The following STAT4 variants were observed in gnomAD, a reference collection of about 807,000 sequenced individuals.
STAT4 encodes signal transducer and activator of transcription 4.
STAT4 carries 42 observed loss-of-function variants against 110.5 expected under a neutral mutation model. The ratio of observed to expected loss-of-function variants is 0.38; its 90% CI spans 0.30 to 0.49. The LOEUF is 0.49. Among genes scored for constraint, STAT4 ranks in the 20% least tolerant of loss-of-function variants. The pLI is 0.95. For missense variants in STAT4, 632 were observed against 887.9 expected, an observed-to-expected ratio of 0.71 and a Z score of 3.66; for synonymous variants, 284 against 302.2, an observed-to-expected ratio of 0.94 and a Z score of 0.63.
At chr2:191,151,126 TCCCA>T (rs895642233), upstream of STAT4, 48 of 985,282 alleles carry the variant, frequency 4.9e-5, no homozygotes, top group Admixed American at 6.2e-5. The surrounding 1 kb of genome is among the most constrained non-coding windows in gnomAD (Gnocchi z 4.7). Flanking sequence ...TTGGGTCAGT[TCCCA>T]CCCACTCTAT....
chr2:191,085,943 C>T (rs1697622749), intron 3 of STAT4, among the ~76,000 whole-genome samples: 1 of 151,988 alleles, frequency 6.6e-6, no homozygotes, highest in African/African-American at 2.4e-5. Flanking sequence ...GAACTATTTA[C>T]AGCTTTTAAC....
chr2:191,031,558 A>C lies in STAT4; in HGVS notation c.2045-42T>G. ...CACAATGTTGGGGAAAAAAATGTCA[A>C]TATTATCAATAAAACTGGGGAAAAA... On this transcript the variant is annotated intron_variant, in intron 21 of 23. Transcript: ENST00000392320. This position sits in a 1 kb window ranked among gnomAD's most constrained non-coding sequence, Gnocchi z 4.8. 2 of 1,533,190 alleles carry C rather than the reference A, an allele frequency of 1.3e-6. No individual in the cohort carries two copies. The highest frequency in any genetic ancestry group is 1.8e-6 in the Non-Finnish European group (2 of 1,113,246). 95.0% of individuals were successfully genotyped at this position (1,533,190 alleles called of 1,614,324 possible). A position where few individuals can be genotyped will look rare whatever the true frequency, so the allele number is the denominator to read the frequency against.
chr2:191,135,446 C>G lies in STAT4; in HGVS notation c.273+11167G>C, dbSNP rs924439756. Among the ~76,000 whole-genome samples, 1 of 152,072 alleles carries G rather than the reference C, an allele frequency of 6.6e-6. No homozygotes were observed. Among genetic ancestry groups the G allele is most frequent in the Admixed American group, 6.6e-5 (1 of 15,258 alleles). On this transcript the variant is annotated intron_variant, in intron 3 of 23. Transcript: ENST00000392320. This position sits in a 1 kb window ranked among gnomAD's most constrained non-coding sequence, Gnocchi z 4.8. ...GTCCAGGACTGGATGACTTTACTGT[C>G]GAATTCTTTGTTGTTGTTGTTGTTA...
rs564104132 is a variant in STAT4, at chr2:191,042,880, A to G, written c.1252-1732T>C. 3.2e-4 allele frequency among the ~76,000 whole-genome samples: 49 copies of G among 152,130 alleles called. No individual in the cohort carries two copies. Among genetic ancestry groups the G allele is most frequent in the African/African-American group, 1.2e-3 (49 of 41,488 alleles). On this transcript the variant is annotated intron_variant, in intron 14 of 23. Transcript: ENST00000392320. This position sits in a 1 kb window ranked among gnomAD's most constrained non-coding sequence, Gnocchi z 4.2. ...CTGCAACCTCCGCCTCCTGGGTCCA[A>G]GTGATTCTCCTGCCTCAGCCTTCTG...
At chr2:191,074,903 G>A (rs1697268477) in intron 4 of STAT4, among the ~76,000 whole-genome samples, 1 of 152,178 alleles carries the variant, frequency 6.6e-6, no homozygotes, top group Non-Finnish European at 1.5e-5. Context: ...GCTCACACCT[G>A]TAATCCCAGC....
intron 3 of STAT4, among the ~76,000 whole-genome samples, chr2:191,139,753 T>C (rs903703060): frequency 6.6e-6 from 1 of 151,996 alleles, no homozygotes; most frequent in Non-Finnish European, 1.5e-5. Flanking sequence ...GAAAAAACAA[T>C]CCTAAAATTC....
rs1252704353 is a variant in STAT4 at position 191,059,702 on chromosome 2, A to G, written c.1035-933T>C. On this transcript the variant is annotated intron_variant, in intron 10 of 23. Transcript: ENST00000392320. The surrounding 1 kb of genome is among the most constrained non-coding windows in gnomAD (Gnocchi z 4.7). ...GCGATAAGCAGCTCACTGGCATTAG[A>G]GAAATGAAATCATAGCTCATGGGCA... is the stretch of plus-strand genomic sequence containing the variant. 6.6e-6 allele frequency among the ~76,000 whole-genome samples: 1 copy of G among 152,220 alleles called. No individual in the cohort carries two copies. The highest frequency in any genetic ancestry group is 1.5e-5 in the Non-Finnish European group (1 of 68,038).
rs544673939 is a variant in STAT4 at position 191,082,848 on chromosome 2, T to G, written c.274-6523A>C. On this transcript the variant is annotated intron_variant, in intron 3 of 23. Transcript: ENST00000392320. The surrounding 1 kb of genome is among the most constrained non-coding windows in gnomAD (Gnocchi z 4.7). ...CGACATGGAGCCTGAAACTTCACAATTAGGAATTCACTCCTCTGAGTTCTT... is the reference window on the plus strand; with the variant it reads ...CGACATGGAGCCTGAAACTTCACAAGTAGGAATTCACTCCTCTGAGTTCTT... Among the ~76,000 whole-genome samples, 17 of 152,320 alleles carry G rather than the reference T, an allele frequency of 1.1e-4. No homozygotes were observed. The highest frequency in any genetic ancestry group is 3.8e-4 in the African/African-American group (16 of 41,574).
rs1173693448 is a variant in STAT4 at position 191,032,713 on chromosome 2, CCCATGG to C, written c.2044+239_2044+244del. The C allele has an allele frequency of 2.2e-6, 1 of 453,910 alleles. No individual in the cohort carries two copies. The highest frequency in any genetic ancestry group is 4.0e-5 in the Admixed American group (1 of 25,242). The allele number at this position is 453,910 out of a possible 1,614,324, so 28.1% of individuals were successfully genotyped here. On this transcript the variant is annotated intron_variant, in intron 21 of 23. Coordinates refer to ENST00000392320, the MANE Select transcript of STAT4 (RefSeq NM_003151.4). This position sits in a 1 kb window ranked among gnomAD's most constrained non-coding sequence, Gnocchi z 4.9. ...GCTCTCCAAGTGGCTATGAGAGGCC[CCCATGG>C]CCATGGTGAAGTTTAGTTACAGCTG...
At position 191,064,869 on chromosome 2, in the gene STAT4, C is replaced by T. The variant is rs1344960704; in HGVS notation, c.720G>A (p.Arg240=). The stretch of plus-strand genomic sequence containing the variant: ...CCCCGATGCAGGCGATTTGCTGCCG[C>T]CGCTTCCAGTCTTGCAGCTCTTCTA... ...MLIEELQDWK[R]RQQIACIGGP... is the part of the protein sequence containing the mutation. Residue 240 remains arginine (R), a synonymous_variant, in exon 8 of 24, where the codon CGG becomes CGA. Coordinates refer to ENST00000392320, the MANE Select transcript of STAT4 (RefSeq NM_003151.4). 6.2e-7 allele frequency: 1 copy of T among 1,613,402 alleles called. No individual in the cohort carries two copies. The highest frequency in any genetic ancestry group is 1.1e-5 in the South Asian group (1 of 90,994).
intron 6 of STAT4, chr2:191,068,554 A>C (rs1178137304): frequency 2.0e-5 from 3 of 152,176 alleles, no homozygotes; most frequent in African/African-American, 7.2e-5. Flanking sequence ...ATTTCCTTCA[A>C]GATACATTTT....
chr2:191,128,332 C>G (rs1698938757), intron 3 of STAT4, among the ~76,000 whole-genome samples: 1 of 152,054 alleles, frequency 6.6e-6, no homozygotes, highest in African/African-American at 2.4e-5. Flanking sequence ...GAGGTCATCT[C>G]TTTTTTTCTC....
At position 191,032,042 on chromosome 2, in the gene STAT4, T is replaced by C. The variant is rs1003054816; in HGVS notation, c.2045-526A>G. On this transcript the variant is annotated intron_variant, in intron 21 of 23. Transcript: ENST00000392320. This position sits in a 1 kb window ranked among gnomAD's most constrained non-coding sequence, Gnocchi z 4.9. ...CTGGTATACCATGTTGAACTAGTAT[T>C]TGTTCCAATTTTCCAACCCTAATTT... 1 of 152,288 alleles carries C rather than the reference T, an allele frequency of 6.6e-6. No homozygotes were observed. Among genetic ancestry groups the C allele is most frequent in the Non-Finnish European group, 1.5e-5 (1 of 68,098 alleles). 9.4% of individuals were successfully genotyped at this position (152,288 alleles called of 1,614,324 possible).
In STAT4 at chr2:191,144,102, G is replaced by A. The variant is rs1699402027; in HGVS notation, c.273+2511C>T. On this transcript the variant is annotated intron_variant, in intron 3 of 23. Transcript: ENST00000392320. This position sits in a 1 kb window ranked among gnomAD's most constrained non-coding sequence, Gnocchi z 4.7. The stretch of plus-strand genomic sequence containing the variant: ...CACCAAATTGTTTTTTGAATTCCTA[G>A]TGTGCACTAGAACCATATTGAGTAC... 6.6e-6 allele frequency among the ~76,000 whole-genome samples: 1 copy of A among 152,044 alleles called. No individual in the cohort carries two copies. Among genetic ancestry groups the A allele is most frequent in the South Asian group, 2.1e-4 (1 of 4,820 alleles).
rs867179607 is a variant in STAT4 at position 191,140,854 on chromosome 2, A to G, written c.273+5759T>C. On this transcript the variant is annotated intron_variant, in intron 3 of 23. Coordinates refer to ENST00000392320, the MANE Select transcript of STAT4 (RefSeq NM_003151.4). This position sits in a 1 kb window ranked among gnomAD's most constrained non-coding sequence, Gnocchi z 4.4. ...AACCAACCTAAGTGTCCATCAACCA[A>G]TGAGTAGATAAAGAAAATGTGGTAT... Among the ~76,000 whole-genome samples the G allele has an allele frequency of 3.3e-5, 5 of 152,224 alleles. No individual in the cohort carries two copies. The highest frequency in any genetic ancestry group is 5.9e-5 in the Non-Finnish European group (4 of 68,036).
In STAT4 at chr2:191,143,409, T is replaced by C. The variant is rs1030010503; in HGVS notation, c.273+3204A>G. ...CACATTGCAAGTGGCAGGGCCAGGA[T>C]TCAAGTAACCCTTGCTCCTGGGTGT... On this transcript the variant is annotated intron_variant, in intron 3 of 23. Coordinates refer to ENST00000392320, the MANE Select transcript of STAT4 (RefSeq NM_003151.4). The surrounding 1 kb of genome is among the most constrained non-coding windows in gnomAD (Gnocchi z 5.6). Among the ~76,000 whole-genome samples the C allele has an allele frequency of 6.6e-6, 1 of 152,110 alleles. No homozygotes were observed.
intron 15 of STAT4, 127 bp downstream of exon 15, chr2:191,040,938 T>C (rs3024930): frequency 4.3e-4 from 253 of 582,708 alleles, no homozygotes; most frequent in Non-Finnish European, 6.0e-4. Context: ...ATTGACTTTC[T>C]AAATTAAAAC....
chr2:191,146,501 C>G lies in STAT4; in HGVS notation c.273+112G>C. The G allele has an allele frequency of 6.6e-6, 7 of 1,062,514 alleles. No homozygotes were observed. The highest frequency in any genetic ancestry group is 8.6e-6 in the Non-Finnish European group (7 of 818,178). The allele number at this position is 1,062,514 out of a possible 1,614,324, so 65.8% of individuals were successfully genotyped here. A position where few individuals can be genotyped will look rare whatever the true frequency, so the allele number is the denominator to read the frequency against. On this transcript the variant is annotated intron_variant, in intron 3 of 23. Coordinates refer to ENST00000392320, the MANE Select transcript of STAT4 (RefSeq NM_003151.4). The surrounding 1 kb of genome is among the most constrained non-coding windows in gnomAD (Gnocchi z 4.5). Reference sequence around the variant, plus strand: ...AAAATTTGTAAGTGGTAAGACAACTCAATTTTCCCCTAAATTTCATTTGAA... The same window carrying G: ...AAAATTTGTAAGTGGTAAGACAACTGAATTTTCCCCTAAATTTCATTTGAA...
intron 3 of STAT4, among the ~76,000 whole-genome samples, chr2:191,121,743 G>A (rs1438532271): frequency 6.8e-6 from 1 of 146,590 alleles, no homozygotes; most frequent in Non-Finnish European, 1.5e-5. Flanking sequence ...GACACAGGAA[G>A]GGGAACATCA....
Sources: gnomAD v4.1 joint callset for allele counts (sites outside exome capture counted in the v4.1 genomes callset) on GRCh38, gnomAD v4.1.1 for gene constraint, Gnocchi (gnomAD v3.1) non-coding constraint, MANE v1.5 for transcripts, NCBI Gene and HGNC (gene_info 2026-07-23, HGNC 2026-07-21) for gene names.